RNASEH1: variants seen among roughly 807,000 people sequenced by gnomAD.
RNASEH1 encodes ribonuclease H type II.
In RNASEH1, 27 loss-of-function variants were observed where a neutral mutation model predicts 34.6. The observed-to-expected ratio is 0.78, with a 90% CI of 0.58 to 1.08. RNASEH1 has a LOEUF of 1.08. Among genes scored for constraint, RNASEH1 ranks in the 50% least tolerant of loss-of-function variants. The probability of loss-of-function intolerance (pLI) is 0.00; values close to 1 mark genes in which losing one functional copy is unlikely to be tolerated. For synonymous variants in RNASEH1, 162 were observed against 138.4 expected (o/e 1.17, Z -1.20); for missense variants, 349 against 373.6 (o/e 0.93, Z 0.54).
Position 3,543,261 on chromosome 2 carries a change from C to A in RNASEH1, c.*2524G>T, listed in dbSNP as rs568895245. On this transcript the variant is annotated 3_prime_UTR_variant, in exon 8 of 8. Transcript: ENST00000315212. ...ATAAATAAATACAGCCTGCACACAA[C>A]GCACAGGAGAACGTTCTGAACCACT... Among the ~76,000 whole-genome samples, 38 of 152,326 alleles carry A rather than the reference C, an allele frequency of 2.5e-4. No homozygotes were observed. The highest frequency in any genetic ancestry group is 8.9e-4 in the African/African-American group (37 of 41,588).
downstream of RNASEH1, among the ~76,000 whole-genome samples, chr2:3,541,283 C>CACG (rs1558442584): frequency 1.3e-5 from 2 of 150,538 alleles, no homozygotes; most frequent in Non-Finnish European, 3.0e-5. Flanking sequence ...GAGCCAAGAT[C>CACG]ACGCCACTGC....
At chr2:3,533,671 C>T in the RNASEH1 span, 1 of 152,314 alleles carries the variant, frequency 6.6e-6, no homozygotes, top group Non-Finnish European at 1.5e-5. Flanking sequence ...AAGAGCCAAA[C>T]AGAATGACCA....
At chr2:3,557,861 G>A (rs1367207970) in intron 1 of RNASEH1, 16 of 1,457,032 alleles carry the variant, frequency 1.1e-5, no homozygotes, top group Admixed American at 4.2e-5. Flanking sequence ...AAAGATGGAG[G>A]ATTAAACACA....
intron 7 of RNASEH1, 113 bp from the exon 8 acceptor site, chr2:3,545,984 C>A: frequency 1.4e-6 from 1 of 733,640 alleles, no homozygotes; most frequent in Non-Finnish European, 2.4e-6. Flanking sequence ...ATAAGCTCAA[C>A]TTCAACGCTC....
chr2:3,554,045 C>T (rs758147260), intron 2 of RNASEH1, among the ~76,000 whole-genome samples: 4 of 152,156 alleles, frequency 2.6e-5, no homozygotes, highest in South Asian at 2.1e-4. Flanking sequence ...AAATGGGGCA[C>T]GAACATCACA....
At chr2:3,532,866 T>A in the RNASEH1 span, among the ~76,000 whole-genome samples, 4 of 152,118 alleles carry the variant, frequency 2.6e-5, no homozygotes, top group Non-Finnish European at 5.9e-5. Context: ...TACCCTGACA[T>A]TATAAAGGCT....
chr2:3,546,073 C>T (rs980559325), intron 7 of RNASEH1, among the ~76,000 whole-genome samples: 1 of 152,204 alleles, frequency 6.6e-6, no homozygotes, highest in Non-Finnish European at 1.5e-5. Flanking sequence ...TACGAACATT[C>T]CATTTTGTTT....
At position 3,544,666 on chromosome 2, in the gene RNASEH1, C is replaced by T. The variant is rs1668576210; in HGVS notation, c.*1119G>A. ...GGTGGTGGACACAAAGGTTATTCAC[C>T]TTACAATCATAATCATTCAATAAGC... On this transcript the variant is annotated 3_prime_UTR_variant, in exon 8 of 8. Transcript: ENST00000315212. The T allele has an allele frequency of 6.6e-6, 1 of 152,116 alleles. No homozygotes were observed. The highest frequency in any genetic ancestry group is 6.5e-5 in the Admixed American group (1 of 15,280). 9.4% of individuals were successfully genotyped at this position (152,116 alleles called of 1,614,324 possible).
downstream of RNASEH1, among the ~76,000 whole-genome samples, chr2:3,538,379 TA>T (rs1282999910): frequency 6.6e-6 from 1 of 151,276 alleles, no homozygotes; most frequent in Non-Finnish European, 1.5e-5. Flanking sequence ...TATATATATA[TA>T]AAAGATAAAA....
intron 7 of RNASEH1, 45 bp from the exon 8 acceptor site, chr2:3,545,916 T>C: frequency 7.5e-7 from 1 of 1,331,602 alleles, no homozygotes; most frequent in South Asian, 1.2e-5. Context: ...CATCTTTACA[T>C]AAGCAACACA....
chr2:3,552,067 T>A (rs1659981044), intron 3 of RNASEH1, 77 bp downstream of exon 3: 1 of 1,214,722 alleles, frequency 8.2e-7, no homozygotes, highest in Non-Finnish European at 1.2e-6. Flanking sequence ...ACTCCCCCCA[T>A]CAAGTGGGAA....
At chr2:3,557,777 T>G (rs1572344436) in intron 1 of RNASEH1, 1 of 905,880 alleles carries the variant, frequency 1.1e-6, no homozygotes, top group East Asian at 5.6e-5. Flanking sequence ...CCAATTTAGC[T>G]GGTACGGAAA....
intron 3 of RNASEH1, among the ~76,000 whole-genome samples, chr2:3,551,042 G>A (rs538609590): frequency 6.6e-6 from 1 of 152,378 alleles, no homozygotes; most frequent in Admixed American, 6.5e-5. Context: ...GGCATTCTCA[G>A]GCCACTGGTG....
At chr2:3,558,056 C>T (rs1660715160) in intron 1 of RNASEH1, 77 bp downstream of exon 1, 4 of 1,490,176 alleles carry the variant, frequency 2.7e-6, no homozygotes, top group Admixed American at 2.4e-5. Context: ...AGGCTCCCGC[C>T]GCCGGGGTTA....
rs775664200 is a variant in RNASEH1 at position 3,550,414 on chromosome 2, C to T, written c.468G>A (p.Pro156=). 21 of 1,614,036 alleles carry T rather than the reference C, an allele frequency of 1.3e-5. No homozygotes were observed. The highest frequency in any genetic ancestry group is 5.0e-5 in the Admixed American group (3 of 60,004). ...GCCSSNGRRR[P]RAGIGVYWGP... The stretch of plus-strand genomic sequence containing the variant: ...CCCAGTAAACGCCGATTCCTGCTCG[C>T]GGCCTTCTACGCCCATTACTGGAGC... The change falls in exon 4 of 8, where the codon CCG becomes CCA. Residue 156 remains proline (P), a synonymous_variant. Coordinates refer to ENST00000315212, the MANE Select transcript of RNASEH1 (RefSeq NM_002936.6).
At chr2:3,556,929 T>G in intron 1 of RNASEH1, 25 bp from the exon 2 acceptor site, 1 of 1,489,144 alleles carries the variant, frequency 6.7e-7, no homozygotes, top group Non-Finnish European at 9.4e-7. Context: ...CAATGTTATT[T>G]CCTTCTTCCT....
At chr2:3,539,693 C>T (rs1364865216), downstream of RNASEH1, among the ~76,000 whole-genome samples, 1 of 152,178 alleles carries the variant, frequency 6.6e-6, no homozygotes, top group African/African-American at 2.4e-5. Flanking sequence ...TGAATGTCAG[C>T]TCATCACGTT....
At chr2:3,537,361 A>T (rs76015229), downstream of RNASEH1, among the ~76,000 whole-genome samples, 5,704 of 152,286 alleles carry the variant, frequency 0.037, 128 homozygotes, top group South Asian at 0.089. Context: ...CTTTGAAGGC[A>T]GACCTTTCGA....
rs1387449128 is a variant in RNASEH1, at chr2:3,556,901, A to C, written c.132T>G (p.Asn44Lys). Residue 44 changes from asparagine (N) to lysine (K), a missense_variant, in exon 2 of 8, where the codon AAT becomes AAG. Asn to Lys is a moderately conservative substitution (Grantham distance 94, BLOSUM62 0). Coordinates refer to ENST00000315212, the MANE Select transcript of RNASEH1 (RefSeq NM_002936.6). ...GRKTGVFLTW[N>K]ECRAQVDRFP... ...ACCGGTCCACCTGTGCTCTGCACTC[A>C]TTCCTGGAAAAGATGTGCAATGTTA... The C allele has an allele frequency of 1.2e-6, 2 of 1,608,164 alleles. No individual in the cohort carries two copies. The highest frequency in any genetic ancestry group is 1.7e-5 in the Admixed American group (1 of 60,002).
Sources: gnomAD v4.1 joint callset for allele counts (sites outside exome capture counted in the v4.1 genomes callset) on GRCh38, gnomAD v4.1.1 for gene constraint, MANE v1.5 for transcripts, NCBI Gene and HGNC (gene_info 2026-07-23, HGNC 2026-07-21) for gene names.